The following CA10 variants were observed in gnomAD, a reference collection of about 807,000 sequenced individuals.
The protein encoded by CA10 is carbonic anhydrase 10 (inactive), also known as carbonic anhydrase-related protein 10.
Under a neutral mutation model 44.2 loss-of-function variants are expected in CA10, and 14 were observed. That is an observed-to-expected ratio of 0.32 (90% confidence interval 0.21 to 0.50). The LOEUF is 0.50. CA10 is among the 20% of genes least tolerant of loss of function. The probability of loss-of-function intolerance (pLI) is 0.99; values close to 1 mark genes in which losing one functional copy is unlikely to be tolerated. For missense variants in CA10, 350 were observed against 409.7 expected (o/e 0.85, Z 1.26); for synonymous variants, 159 against 141.6 (o/e 1.12, Z -0.87).
At chr17:51,666,711 A>T (rs201456456) in intron 4 of CA10, among the ~76,000 whole-genome samples, 3 of 121,604 alleles carry the variant, frequency 2.5e-5, no homozygotes, top group Admixed American at 8.6e-5. Context: ...TGAATATCTG[A>T]GTATTAATAT....
chr17:52,026,423 G>A (rs1986303120), intron 2 of CA10, among the ~76,000 whole-genome samples: 2 of 152,044 alleles, frequency 1.3e-5, no homozygotes, highest in South Asian at 4.1e-4. Flanking sequence ...AATCCTCCCA[G>A]AGACCTAGAG....
intron 4 of CA10, among the ~76,000 whole-genome samples, chr17:51,671,337 T>C (rs1263618928): frequency 1.3e-5 from 2 of 152,170 alleles, no homozygotes; most frequent in Non-Finnish European, 2.9e-5. Flanking sequence ...ATACACCTAC[T>C]GCTGAAGGGG....
chr17:51,807,458 C>A (rs1907179313), intron 3 of CA10, among the ~76,000 whole-genome samples: 2 of 152,186 alleles, frequency 1.3e-5, no homozygotes, highest in African/African-American at 4.8e-5. Context: ...AATGGCAGAA[C>A]TCCAACAAGA....
At chr17:51,843,139 C>T (rs1379052312) in intron 3 of CA10, among the ~76,000 whole-genome samples, 1 of 152,174 alleles carries the variant, frequency 6.6e-6, no homozygotes. Context: ...GTGGAGACAT[C>T]TCCAGCAGTG....
rs1402687847 is a variant in CA10, at chr17:51,635,954, A to G, written c.690T>C (p.Ser230=). The G allele has an allele frequency of 1.2e-6, 2 of 1,609,818 alleles. No homozygotes were observed. Among genetic ancestry groups the G allele is most frequent in the South Asian group, 1.1e-5 (1 of 90,538 alleles). The change falls in exon 7 of 9, where the codon TCT becomes TCC. Residue 230 remains serine (S), a synonymous_variant. Transcript: ENST00000451037. ...TCGACCCATCGTAAGTGATGAAACT[A>G]GAGGTCTCTGGATATAGTTCCTCTA... is the stretch of plus-strand genomic sequence containing the variant. ...LNIEELYPET[S]SFITYDGSMT...
chr17:51,909,916 G>A (rs1981720121), intron 3 of CA10, among the ~76,000 whole-genome samples: 5 of 152,024 alleles, frequency 3.3e-5, no homozygotes, highest in Admixed American at 2.6e-4. Flanking sequence ...ACTACTGCAA[G>A]TTCTTCCACT....
At chr17:52,157,163 G>T (rs1361613575) in intron 1 of CA10, among the ~76,000 whole-genome samples, 3 of 151,874 alleles carry the variant, frequency 2.0e-5, no homozygotes, top group Non-Finnish European at 4.4e-5. Flanking sequence ...AAGAAAATTG[G>T]GGGGGTAGAG....
intron 4 of CA10, among the ~76,000 whole-genome samples, chr17:51,694,468 CA>C (rs1212748186): frequency 6.8e-6 from 1 of 146,098 alleles, no homozygotes; most frequent in African/African-American, 2.5e-5. Flanking sequence ...AGTGGCTGTT[CA>C]TGTCTTTTGC....
chr17:51,898,825 G>A (rs774906064), intron 3 of CA10, among the ~76,000 whole-genome samples: 5 of 151,824 alleles, frequency 3.3e-5, no homozygotes, highest in Non-Finnish European at 7.4e-5. Flanking sequence ...AGGTTTTATA[G>A]TATGTGTGCA....
At chr17:52,127,672 T>C (rs1456536429) in intron 1 of CA10, among the ~76,000 whole-genome samples, 4 of 152,154 alleles carry the variant, frequency 2.6e-5, no homozygotes, top group Non-Finnish European at 5.9e-5. Flanking sequence ...AGTAGGTAAA[T>C]CCCAAGAGGT....
intron 2 of CA10, among the ~76,000 whole-genome samples, chr17:51,976,435 A>T (rs1486608184): frequency 2.6e-5 from 4 of 152,206 alleles, no homozygotes; most frequent in Non-Finnish European, 2.9e-5. Flanking sequence ...ATACATTAAA[A>T]GTTAATCATT....
intron 4 of CA10, among the ~76,000 whole-genome samples, chr17:51,714,563 G>A (rs1172468509): frequency 2.0e-5 from 3 of 152,174 alleles, no homozygotes; most frequent in Non-Finnish European, 4.4e-5. Context: ...ACCTGATGAG[G>A]CCACATTCAG....
At chr17:51,800,450 A>G (rs1451787893) in intron 3 of CA10, among the ~76,000 whole-genome samples, 1 of 152,186 alleles carries the variant, frequency 6.6e-6, no homozygotes, top group East Asian at 1.9e-4. Flanking sequence ...TGTACAAAAA[A>G]AACATTAAAT....
At chr17:52,010,175 T>A (rs1447039812) in intron 2 of CA10, among the ~76,000 whole-genome samples, 2 of 152,020 alleles carry the variant, frequency 1.3e-5, no homozygotes, top group East Asian at 3.9e-4. Flanking sequence ...GTACAACCAC[T>A]ATGGAAAACA....
intron 3 of CA10, among the ~76,000 whole-genome samples, chr17:51,912,219 G>T (rs1185037071): frequency 1.3e-5 from 2 of 152,140 alleles, no homozygotes; most frequent in African/African-American, 2.4e-5. Flanking sequence ...TCAAGGGTCA[G>T]CTATTTCTCT....
chr17:52,107,824 G>C (rs899465932), intron 1 of CA10, among the ~76,000 whole-genome samples: 3 of 152,122 alleles, frequency 2.0e-5, no homozygotes, highest in Non-Finnish European at 4.4e-5. Context: ...TGCTCAGGTA[G>C]GGTGAGCACA....
At chr17:51,675,071 A>G (rs551506257) in intron 4 of CA10, among the ~76,000 whole-genome samples, 15 of 152,324 alleles carry the variant, frequency 9.8e-5, no homozygotes, top group African/African-American at 2.9e-4. Flanking sequence ...CTGTCTCCAG[A>G]AGGCTGTGCG....
chr17:51,743,989 C>T (rs911993951), intron 4 of CA10, among the ~76,000 whole-genome samples: 14 of 152,158 alleles, frequency 9.2e-5, no homozygotes, highest in African/African-American at 3.4e-4. Context: ...TTTACTGAGG[C>T]TAATCCTCAG....
rs963486408 is a variant in CA10 at position 51,841,236 on chromosome 17, C to T, written c.279+89754G>A. Among the ~76,000 whole-genome samples, 7 of 152,116 alleles carry T rather than the reference C, an allele frequency of 4.6e-5. No homozygotes were observed. The East Asian group carries it at 7.7e-4, about 17-fold the overall frequency. On this transcript the variant is annotated intron_variant, in intron 3 of 8. Transcript: ENST00000451037. The stretch of plus-strand genomic sequence containing the variant: ...TCATTCATAGTTGCCATCTTCAGTC[C>T]GCATGTCATTCACAGTTGCCATCTT...
Sources: allele counts gnomAD v4.1 joint callset (sites outside exome capture counted in the v4.1 genomes callset), GRCh38; gene constraint gnomAD v4.1.1; transcripts MANE v1.5; gene names NCBI Gene and HGNC (gene_info 2026-07-23, HGNC 2026-07-21).